Variants in CACNA1E observed in about 807,000 individuals in gnomAD.
CACNA1E encodes calcium voltage-gated channel subunit alpha1 E, also known as voltage-dependent R-type calcium channel subunit alpha-1E.
In CACNA1E, 40 loss-of-function variants were observed where a neutral mutation model predicts 259.2. That is an observed-to-expected ratio of 0.15 (90% CI 0.12 to 0.20). The LOEUF is 0.20. Ranked by LOEUF, CACNA1E falls within the 10% of genes least tolerant of loss-of-function variation. The pLI is 1.00. For missense variants in CACNA1E, 1,874 were observed against 3,040.1 expected (o/e 0.62, Z 9.02); for synonymous variants, 1,104 against 1,138.5 (o/e 0.97, Z 0.61).
chr1:181,732,854 ATCG>A lies in CACNA1E; in HGVS notation c.2769_2771del (p.Arg925del), dbSNP rs761267895. 4 of 1,613,914 alleles carry A rather than the reference ATCG, an allele frequency of 2.5e-6. No homozygotes were observed. In the South Asian group the frequency reaches 4.4e-5, roughly 18 times the overall value. ...AGGCAGAGCCAACGGCGCAGCCGGC[ATCG>A]CCGCGTCAGGACAGAAGGCAAGGAG... On this transcript the variant is annotated inframe_deletion, in exon 20 of 48. Coordinates refer to ENST00000367573, the MANE Select transcript of CACNA1E (RefSeq NM_001205293.3). The surrounding 1 kb of genome is among the most constrained non-coding windows in gnomAD (Gnocchi z 5.5).
At position 181,758,809 on chromosome 1, in the gene CACNA1E, G is replaced by A. The variant is rs778501089; in HGVS notation, c.4546G>A (p.Ala1516Thr). 1.1e-5 allele frequency: 17 copies of A among 1,612,862 alleles called. No homozygotes were observed. The highest frequency in any genetic ancestry group is 4.0e-5 in the African/African-American group (3 of 74,858). Reference protein sequence around the residue: ...YELALKYLNIAFTMVFSLECV... With the variant: ...YELALKYLNITFTMVFSLECV... ...GCTGGCCCTGAAGTACCTGAATATC[G>A]CCTTCACCATGGTGTTTTCCCTGGA... The change falls in exon 32 of 48, where the codon GCC becomes ACC. Residue 1516 changes from alanine (A) to threonine (T), a missense_variant. Around this residue, in one of 14 missense-constraint regions of CACNA1E, gnomAD observed 188 missense variants for 540.6 expected, o/e 0.35. Coordinates refer to ENST00000367573, the MANE Select transcript of CACNA1E (RefSeq NM_001205293.3). This position sits in a 1 kb window ranked among gnomAD's most constrained non-coding sequence, Gnocchi z 4.2.
At chr1:181,365,353 G>T (rs1654189159) in intron 1 of CACNA1E, among the ~76,000 whole-genome samples, 1 of 152,162 alleles carries the variant, frequency 6.6e-6, no homozygotes, top group Non-Finnish European at 1.5e-5. Flanking sequence ...TTTTTATTTT[G>T]TAAAGACAGG....
chr1:181,514,804 C>T (rs551062166), intron 3 of CACNA1E, among the ~76,000 whole-genome samples: 1 of 152,266 alleles, frequency 6.6e-6, no homozygotes, highest in African/African-American at 2.4e-5. Flanking sequence ...AGTTGAGGGG[C>T]CTGGGCTACC....
At chr1:181,649,150 T>G (rs1367164998) in intron 6 of CACNA1E, among the ~76,000 whole-genome samples, 2 of 152,174 alleles carry the variant, frequency 1.3e-5, no homozygotes, top group African/African-American at 4.8e-5. Flanking sequence ...TCTAGTTCCT[T>G]TGGATCTTTC....
intron 38 of CACNA1E, among the ~76,000 whole-genome samples, chr1:181,780,502 T>C (rs507453): frequency 0.22 from 33,298 of 152,006 alleles, 3,742 homozygotes; most frequent in South Asian, 0.33. Context: ...AGCTGGAAGA[T>C]GACCTAGGCT....
At chr1:181,431,557 A>G (rs770096823) in intron 2 of CACNA1E, among the ~76,000 whole-genome samples, 3 of 152,198 alleles carry the variant, frequency 2.0e-5, no homozygotes, top group Non-Finnish European at 4.4e-5. Context: ...CAGACATGCC[A>G]GTGGACCTGG....
At chr1:181,743,229 C>T (rs1165596301) in intron 25 of CACNA1E, among the ~76,000 whole-genome samples, 1 of 152,180 alleles carries the variant, frequency 6.6e-6, no homozygotes, top group African/African-American at 2.4e-5. Flanking sequence ...CAGAGCTGTG[C>T]CTTCTGTACT....
At chr1:181,394,676 A>G (rs1656529646) in intron 1 of CACNA1E, among the ~76,000 whole-genome samples, 1 of 152,230 alleles carries the variant, frequency 6.6e-6, no homozygotes, top group African/African-American at 2.4e-5. Flanking sequence ...AGGATTCTAC[A>G]GGATGGCTAA....
chr1:181,781,235 C>T (rs949707383), intron 38 of CACNA1E, among the ~76,000 whole-genome samples, 192 bp from the exon 39 acceptor site: 1 of 152,150 alleles, frequency 6.6e-6, no homozygotes, highest in Admixed American at 6.5e-5. Flanking sequence ...GTTTCCTATT[C>T]TTTTCCCGTT....
At chr1:181,489,881 G>A (rs1664164798) in intron 1 of CACNA1E, among the ~76,000 whole-genome samples, 1 of 152,184 alleles carries the variant, frequency 6.6e-6, no homozygotes, top group Non-Finnish European at 1.5e-5. Flanking sequence ...CTTCCACAGA[G>A]GGATAGAAAC....
chr1:181,354,173 T>G (rs1653251158), intron 1 of CACNA1E, among the ~76,000 whole-genome samples: 1 of 151,360 alleles, frequency 6.6e-6, no homozygotes, highest in Non-Finnish European at 1.5e-5. Context: ...AAACAGTCTA[T>G]TGTAACAGTG....
intron 45 of CACNA1E, among the ~76,000 whole-genome samples, chr1:181,794,536 T>C (rs904379845): frequency 5.9e-5 from 9 of 152,230 alleles, no homozygotes; most frequent in African/African-American, 2.2e-4. Flanking sequence ...CAGTATTTGC[T>C]GCAGCCTGGC....
intron 6 of CACNA1E, among the ~76,000 whole-genome samples, chr1:181,620,645 C>G (rs554867243): frequency 1.3e-5 from 2 of 152,304 alleles, no homozygotes; most frequent in South Asian, 4.1e-4. Flanking sequence ...AAGTAGAAGA[C>G]TTGGAGAGTT....
chr1:181,608,126 T>G (rs1244940430), intron 6 of CACNA1E, among the ~76,000 whole-genome samples: 1 of 152,086 alleles, frequency 6.6e-6, no homozygotes, highest in Non-Finnish European at 1.5e-5. Context: ...TGCCACCTCT[T>G]AGAAACTAGA....
intron 35 of CACNA1E, among the ~76,000 whole-genome samples, chr1:181,768,114 G>C (rs1334694751): frequency 6.6e-6 from 1 of 152,170 alleles, no homozygotes; most frequent in Non-Finnish European, 1.5e-5. Context: ...TTATCATGAA[G>C]TTCCTTTTGC....
At chr1:181,593,510 G>T (rs1652862455) in intron 6 of CACNA1E, among the ~76,000 whole-genome samples, 1 of 152,178 alleles carries the variant, frequency 6.6e-6, no homozygotes, top group Admixed American at 6.5e-5. Context: ...AACCTATGTT[G>T]CAGTTGCTTC....
At chr1:181,556,493 G>C (rs1331090200) in intron 3 of CACNA1E, among the ~76,000 whole-genome samples, 1 of 152,202 alleles carries the variant, frequency 6.6e-6, no homozygotes, top group Admixed American at 6.5e-5. Flanking sequence ...CCTGTGGGAG[G>C]GGGAGGCAGA....
intron 6 of CACNA1E, among the ~76,000 whole-genome samples, chr1:181,614,214 T>C (rs574431228): frequency 0.01 from 1,500 of 146,388 alleles, 13 homozygotes; most frequent in Non-Finnish European, 0.015. Flanking sequence ...CTTTTCTTTT[T>C]TTTCTTTTTT....
intron 35 of CACNA1E, among the ~76,000 whole-genome samples, chr1:181,767,517 C>G (rs2102744475): frequency 6.6e-6 from 1 of 152,346 alleles, no homozygotes; most frequent in Admixed American, 6.5e-5. Flanking sequence ...CTGCTGGCTG[C>G]CTTCCCAACT....
Sources: allele counts gnomAD v4.1 joint callset (sites outside exome capture counted in the v4.1 genomes callset), GRCh38; gene constraint gnomAD v4.1.1; regional missense constraint gnomAD v4.1.1; non-coding constraint Gnocchi (gnomAD v3.1); transcripts MANE v1.5; gene names NCBI Gene and HGNC (gene_info 2026-07-23, HGNC 2026-07-21).